The following KANK1 variants were observed in gnomAD, a reference collection of about 807,000 sequenced individuals.
The protein encoded by KANK1 is KN motif and ankyrin repeat domain-containing protein 1.
A neutral mutation model predicts 106.2 loss-of-function variants in KANK1; 109 were observed. The ratio of observed to expected loss-of-function variants is 1.03; its 90% CI spans 0.88 to 1.20. KANK1 has a LOEUF of 1.20. KANK1 is among the 50% of genes most tolerant of loss of function. The pLI, the probability that KANK1 is intolerant of heterozygous loss-of-function variation, is 0.00. For missense variants in KANK1, 2,399 were observed against 1,710.7 expected (o/e 1.40, Z -7.10); for synonymous variants, 873 against 652.2 (o/e 1.34, Z -5.16).
At position 575,834 on chromosome 9, in the gene KANK1, T is replaced by A. The variant is rs1820405568; in HGVS notation, c.-84+71080T>A. The stretch of plus-strand genomic sequence containing the variant: ...GGTCAGGAGTTCAAGACCAGCCTGG[T>A]CAACATGGTGAAATCCTGTCTCTAT... On this transcript the variant is annotated intron_variant, in intron 1 of 11. Coordinates refer to ENST00000382297, the MANE Select transcript of KANK1 (RefSeq NM_015158.5). 2.0e-5 allele frequency among the ~76,000 whole-genome samples: 3 copies of A among 152,214 alleles called. No individual in the cohort carries two copies. The South Asian group carries it at 6.2e-4, about 32-fold the overall frequency.
At chr9:562,807 G>T (rs1816838681) in intron 1 of KANK1, among the ~76,000 whole-genome samples, 1 of 152,204 alleles carries the variant, frequency 6.6e-6, no homozygotes, top group African/African-American at 2.4e-5. Flanking sequence ...CACGGCAGAA[G>T]TTGGGTCTGA....
intron 3 of KANK1, among the ~76,000 whole-genome samples, chr9:717,275 C>T (rs1827980400): frequency 6.6e-6 from 1 of 151,746 alleles, no homozygotes; most frequent in Non-Finnish European, 1.5e-5. Context: ...GAGTGAGACC[C>T]TGTCTCAAAA....
At position 647,781 on chromosome 9, in the gene KANK1, C is replaced by T. The variant is rs555789290; in HGVS notation, c.-83-29109C>T. ...AAACAACCTCAATTCTTCTGGCTCA[C>T]ACTTATATATAGCAGAGATACGAAA... On this transcript the variant is annotated intron_variant, in intron 1 of 11. Coordinates refer to ENST00000382297, the MANE Select transcript of KANK1 (RefSeq NM_015158.5). 6.7e-4 allele frequency among the ~76,000 whole-genome samples: 101 copies of T among 150,770 alleles called. 5 individuals carry two copies. Among genetic ancestry groups the T allele is most frequent in the African/African-American group, 2.5e-3 (99 of 40,138 alleles).
At chr9:505,888 T>G (rs2058735171) in intron 1 of KANK1, among the ~76,000 whole-genome samples, 1 of 152,224 alleles carries the variant, frequency 6.6e-6, no homozygotes, top group East Asian at 1.9e-4. Context: ...TTGCTTATAT[T>G]GAATTCCTGA....
intron 1 of KANK1, among the ~76,000 whole-genome samples, chr9:601,221 A>T (rs563404047): frequency 6.6e-6 from 1 of 151,932 alleles, no homozygotes; most frequent in African/African-American, 2.4e-5. Flanking sequence ...ACATAACCAT[A>T]TTGAACTATC....
rs79437342 is a variant in KANK1, at chr9:671,623, A to AAAAAAAAAAAAAAAAAAAAAAAG, written c.-83-5263_-83-5262insAAAAAAAAAAAAAAAAAAGAAAA. On this transcript the variant is annotated intron_variant, in intron 1 of 11. Transcript: ENST00000382297. ...AGAGCGAAACTCCGTCTCAAAAAAA[A>AAAAAAAAAAAAAAAAAAAAAAAG]AAAAGAGTGTACTGGTTAAGTACTG... Among the ~76,000 whole-genome samples, 177 of 103,458 alleles carry AAAAAAAAAAAAAAAAAAAAAAAG rather than the reference A, an allele frequency of 1.7e-3. 7 individuals carry two copies. Among genetic ancestry groups the AAAAAAAAAAAAAAAAAAAAAAAG allele is most frequent in the East Asian group, 2.6e-3 (8 of 3,122 alleles). 67.9% of individuals were successfully genotyped at this position (103,458 alleles called of 152,430 possible). A position where few individuals can be genotyped will look rare whatever the true frequency, so the allele number is the denominator to read the frequency against.
In KANK1 at chr9:711,559, G is replaced by C; in HGVS notation, c.793G>C (p.Glu265Gln). 5.6e-6 allele frequency: 9 copies of C among 1,613,938 alleles called. No individual in the cohort carries two copies. Among genetic ancestry groups the C allele is most frequent in the Non-Finnish European group, 7.6e-6 (9 of 1,179,914 alleles). ...VSPMHLQHIR[E>Q]QMAIALKRLK... is the part of the protein sequence containing the mutation. ...CCCCATGCACCTGCAGCACATCCGC[G>C]AGCAGATGGCCATTGCTCTGAAACG... Residue 265 changes from glutamate (E) to glutamine (Q), a missense_variant, in exon 3 of 12, where the codon GAG (glutamate) becomes CAG (glutamine). Coordinates refer to ENST00000382297, the MANE Select transcript of KANK1 (RefSeq NM_015158.5).
intron 3 of KANK1, among the ~76,000 whole-genome samples, chr9:481,492 G>A (rs1389044512): frequency 6.6e-6 from 1 of 152,156 alleles, no homozygotes; most frequent in Non-Finnish European, 1.5e-5. Flanking sequence ...TAACCTCTGT[G>A]GTAGGAGAAA....
At chr9:660,882 G>T (rs541476101) in intron 1 of KANK1, among the ~76,000 whole-genome samples, 3 of 152,166 alleles carry the variant, frequency 2.0e-5, no homozygotes, top group African/African-American at 7.2e-5. Context: ...TTGCCACAAA[G>T]GTCTTTTTGA....
At chr9:662,683 A>T (rs1447310660) in intron 1 of KANK1, among the ~76,000 whole-genome samples, 2 of 85,234 alleles carry the variant, frequency 2.3e-5, no homozygotes, top group Admixed American at 3.1e-4. Context: ...TTTTTTTGAG[A>T]CAGGGTCTTG....
rs551493493 is a variant in KANK1 at position 745,429 on chromosome 9, C to T, written c.*194C>T. 274 of 585,404 alleles carry T rather than the reference C, an allele frequency of 4.7e-4. 1 individual carries two copies. The highest frequency in any genetic ancestry group is 4.6e-3 in the African/African-American group (247 of 53,188). The allele number at this position is 585,404 out of a possible 1,614,324, so 36.3% of individuals were successfully genotyped here. On this transcript the variant is annotated 3_prime_UTR_variant, in exon 12 of 12. Transcript: ENST00000382297. Reference sequence around the variant, plus strand: ...TGGGCACACACACCTCCTTTCTGGCCGTCTTCTGTGTAGGGCACACTTTAA... The same window carrying T: ...TGGGCACACACACCTCCTTTCTGGCTGTCTTCTGTGTAGGGCACACTTTAA...
At chr9:621,573 C>T (rs988851600) in intron 1 of KANK1, among the ~76,000 whole-genome samples, 11 of 152,142 alleles carry the variant, frequency 7.2e-5, no homozygotes, top group African/African-American at 1.4e-4. Flanking sequence ...AAGGAATGTC[C>T]GCAATTAGAG....
At chr9:539,478 A>G (rs1235327957) in intron 1 of KANK1, 1 of 152,024 alleles carries the variant, frequency 6.6e-6, no homozygotes, top group Non-Finnish European at 1.5e-5. Flanking sequence ...GGTTAAATTT[A>G]TTACTAAGTA....
intron 1 of KANK1, among the ~76,000 whole-genome samples, chr9:578,114 G>A (rs1311645586): frequency 2.6e-5 from 4 of 152,198 alleles, no homozygotes; most frequent in Middle Eastern, 3.4e-3. Flanking sequence ...GCCATACTGG[G>A]GCTTATGGTT....
At chr9:535,356 C>T (rs1014349989) in intron 1 of KANK1, among the ~76,000 whole-genome samples, 4 of 152,100 alleles carry the variant, frequency 2.6e-5, no homozygotes, top group Non-Finnish European at 5.9e-5. Context: ...GAAGAGTCCT[C>T]GGGGGCTTTC....
chr9:646,511 AAAACTT>A (rs1839701021), intron 1 of KANK1, among the ~76,000 whole-genome samples: 3 of 150,704 alleles, frequency 2.0e-5, no homozygotes, highest in Non-Finnish European at 4.4e-5. Context: ...TTTTCTTTTG[AAAACTT>A]TCTGAAGTTA....
In KANK1 at chr9:572,853, A is replaced by C. The variant is rs188841416; in HGVS notation, c.-84+68099A>C. 1.2e-4 allele frequency among the ~76,000 whole-genome samples: 18 copies of C among 152,302 alleles called. 1 individual carries two copies. Among genetic ancestry groups the C allele is most frequent in the Admixed American group, 4.6e-4 (7 of 15,288 alleles). ...TCCATCTTTATATTAAAAATTTCTG[A>C]AATAAAATTTCTTTTTGGGCTAGAA... On this transcript the variant is annotated intron_variant, in intron 1 of 11. Coordinates refer to ENST00000382297, the MANE Select transcript of KANK1 (RefSeq NM_015158.5).
chr9:476,549 T>A (rs1307192363), intron 3 of KANK1: 1 of 152,026 alleles, frequency 6.6e-6, no homozygotes, highest in Non-Finnish European at 1.5e-5. Flanking sequence ...TCCCAGGTGT[T>A]CTGGATTCCC....
At chr9:622,746 A>G (rs1450646725) in intron 1 of KANK1, among the ~76,000 whole-genome samples, 13 of 152,022 alleles carry the variant, frequency 8.6e-5, no homozygotes, top group Admixed American at 6.6e-4. Flanking sequence ...TACTAAAAAT[A>G]CAAAAAATGA....
Sources: allele counts gnomAD v4.1 joint callset (sites outside exome capture counted in the v4.1 genomes callset), GRCh38; gene constraint gnomAD v4.1.1; transcripts MANE v1.5; gene names NCBI Gene and HGNC (gene_info 2026-07-23, HGNC 2026-07-21).